Variants in ANO10 observed in about 807,000 individuals in gnomAD.
ANO10 encodes the protein anoctamin 10.
In ANO10, 77 loss-of-function variants were observed where a neutral mutation model predicts 74.7. The observed-to-expected ratio is 1.03, with a 90% confidence interval of 0.86 to 1.25. The LOEUF (loss-of-function observed/expected upper bound fraction) is 1.25, where lower values mean the gene tolerates loss of function less well. Ranked by LOEUF, ANO10 falls within the 50% of genes most tolerant of loss-of-function variation. ANO10 has a pLI of 0.00. For missense variants in ANO10, 721 were observed against 778.1 expected, an observed-to-expected ratio of 0.93 and a Z score of 0.87; for synonymous variants, 279 against 284.9, an observed-to-expected ratio of 0.98 and a Z score of 0.21.
Position 43,463,889 on chromosome 3 carries a change from G to A in ANO10, c.1798-31162C>T, listed in dbSNP as rs1575925720. Among the ~76,000 whole-genome samples, 4 of 152,314 alleles carry A rather than the reference G, an allele frequency of 2.6e-5. No individual in the cohort carries two copies. In the South Asian group the frequency reaches 8.3e-4, roughly 32 times the overall value. ...CCCAAATCTCATCTTGAATTCCCAT[G>A]TGTTGTGGGAGGGACCCGGTGGGAG... is the stretch of plus-strand genomic sequence containing the variant. On this transcript the variant is annotated intron_variant, in intron 11 of 12. Coordinates refer to ENST00000292246, the MANE Select transcript of ANO10 (RefSeq NM_018075.5).
At position 43,469,755 on chromosome 3, in the gene ANO10, T is replaced by C. The variant is rs114858111; in HGVS notation, c.1798-37028A>G. Among the ~76,000 whole-genome samples the C allele has an allele frequency of 2.2e-3, 341 of 152,322 alleles. 2 individuals carry two copies. Among genetic ancestry groups the C allele is most frequent in the African/African-American group, 8.2e-3 (340 of 41,582 alleles). ...TAATCTTCTTCTAATGACTAGAGTC[T>C]TTAAAAGTTTTTGTAGAGGTTCACA... On this transcript the variant is annotated intron_variant, in intron 11 of 12. Transcript: ENST00000292246.
intron 7 of ANO10, among the ~76,000 whole-genome samples, chr3:43,566,175 G>A (rs1374562629): frequency 1.1e-4 from 16 of 152,148 alleles, no homozygotes; most frequent in Admixed American, 3.3e-4. Context: ...CACCTGGCTC[G>A]GAGGGTCCTA....
chr3:43,453,155 A>C lies in ANO10; in HGVS notation c.1798-20428T>G, dbSNP rs1367393031. Among the ~76,000 whole-genome samples, 3 of 150,508 alleles carry C rather than the reference A, an allele frequency of 2.0e-5. No individual in the cohort carries two copies. In the East Asian group the frequency reaches 5.9e-4, roughly 30 times the overall value. ...GCACAAAAGGTTTCAGTTTTGATGA[A>C]GCCCAGTTTATCTTCTTTTCCCCCT... On this transcript the variant is annotated intron_variant, in intron 11 of 12. Coordinates refer to ENST00000292246, the MANE Select transcript of ANO10 (RefSeq NM_018075.5).
intron 12 of ANO10, among the ~76,000 whole-genome samples, chr3:43,401,257 C>T (rs1006858843): frequency 1.3e-5 from 2 of 152,134 alleles, no homozygotes; most frequent in Admixed American, 6.5e-5. Flanking sequence ...CAGCAGCAAA[C>T]CCACACTTTC....
intron 1 of ANO10, among the ~76,000 whole-genome samples, chr3:43,631,639 T>C (rs931281896): frequency 6.6e-6 from 1 of 151,732 alleles, no homozygotes; most frequent in Non-Finnish European, 1.5e-5. Flanking sequence ...AGGGACCCAC[T>C]AGATAACCTC....
chr3:43,551,863 ATG>A (rs1361192796), intron 10 of ANO10, among the ~76,000 whole-genome samples: 1 of 152,212 alleles, frequency 6.6e-6, no homozygotes, highest in African/African-American at 2.4e-5. Context: ...TACTTCAGTC[ATG>A]TGTTTTAATC....
At chr3:43,379,570 T>A (rs138741608) in intron 12 of ANO10, among the ~76,000 whole-genome samples, 65 of 152,294 alleles carry the variant, frequency 4.3e-4, no homozygotes, top group Middle Eastern at 3.4e-3. Flanking sequence ...AGCCAGGAAC[T>A]GTGAGTCTGC....
chr3:43,639,713 T>C (rs1430726821), intron 1 of ANO10, among the ~76,000 whole-genome samples: 1 of 150,994 alleles, frequency 6.6e-6, no homozygotes, highest in Non-Finnish European at 1.5e-5. Flanking sequence ...GAGTCGGAGG[T>C]TGCAGTGAGC....
chr3:43,618,968 ATTT>A (rs957042467), intron 1 of ANO10, among the ~76,000 whole-genome samples: 1 of 151,334 alleles, frequency 6.6e-6, no homozygotes, highest in Non-Finnish European at 1.5e-5. Flanking sequence ...TGCTCGGCTA[ATTT>A]TTTTTTGTAT....
intron 1 of ANO10, among the ~76,000 whole-genome samples, chr3:43,670,103 G>A (rs1251603666): frequency 3.3e-5 from 5 of 151,996 alleles, no homozygotes; most frequent in East Asian, 3.9e-4. Flanking sequence ...CTGTAATCCC[G>A]GCACTTTGGG....
At chr3:43,641,296 C>A (rs2083667654) in intron 1 of ANO10, among the ~76,000 whole-genome samples, 1 of 152,174 alleles carries the variant, frequency 6.6e-6, no homozygotes, top group Non-Finnish European at 1.5e-5. Context: ...TTTCTTGTTA[C>A]CCCTGTTATG....
chr3:43,654,570 T>C (rs2083825613), intron 1 of ANO10, among the ~76,000 whole-genome samples: 1 of 152,222 alleles, frequency 6.6e-6, no homozygotes, highest in Non-Finnish European at 1.5e-5. Context: ...CATAATGAAA[T>C]GCTATTGATA....
chr3:43,541,258 A>G (rs2078941818), intron 11 of ANO10, among the ~76,000 whole-genome samples: 1 of 152,268 alleles, frequency 6.6e-6, no homozygotes, highest in South Asian at 2.1e-4. Context: ...CTATGACAAC[A>G]GATTGTTTTT....
chr3:43,639,228 A>T (rs1402977388), intron 1 of ANO10: 2 of 152,504 alleles, frequency 1.3e-5, no homozygotes, highest in African/African-American at 2.4e-5. Context: ...CCCACATTCC[A>T]GGGGAGAGGA....
intron 11 of ANO10, among the ~76,000 whole-genome samples, chr3:43,439,341 G>A (rs1007838432): frequency 6.6e-6 from 1 of 150,584 alleles, no homozygotes; most frequent in East Asian, 2.0e-4. Flanking sequence ...AGCAAAACCT[G>A]AGGGATTTCA....
intron 1 of ANO10, among the ~76,000 whole-genome samples, chr3:43,657,175 T>C (rs1311623135): frequency 6.6e-6 from 1 of 152,232 alleles, no homozygotes; most frequent in Admixed American, 6.5e-5. Context: ...TCTAAGAAGC[T>C]TGAAACTTCT....
At chr3:43,430,346 CT>C (rs1241087090) in intron 12 of ANO10, among the ~76,000 whole-genome samples, 1 of 142,820 alleles carries the variant, frequency 7.0e-6, no homozygotes, top group African/African-American at 2.6e-5. Context: ...GGTTTTGTGT[CT>C]TGATTAGGAA....
chr3:43,497,246 C>G (rs962575130), intron 11 of ANO10, among the ~76,000 whole-genome samples: 2 of 152,170 alleles, frequency 1.3e-5, no homozygotes, highest in Admixed American at 1.3e-4. Context: ...CAAAAGTCAG[C>G]GTGTGCACAG....
At chr3:43,453,234 A>G (rs1363374927) in intron 11 of ANO10, among the ~76,000 whole-genome samples, 5 of 143,424 alleles carry the variant, frequency 3.5e-5, no homozygotes, top group Non-Finnish European at 7.5e-5. Flanking sequence ...GCTGGAGTGC[A>G]GTGGCGTGAT....
Sources: gnomAD v4.1 joint callset for allele counts (sites outside exome capture counted in the v4.1 genomes callset) on GRCh38, gnomAD v4.1.1 for gene constraint, MANE v1.5 for transcripts, NCBI Gene and HGNC (gene_info 2026-07-23, HGNC 2026-07-21) for gene names.